Variants in GGT7 observed in about 807,000 individuals in gnomAD.
The protein encoded by GGT7 is gamma-glutamyltransferase 7, also known as glutathione hydrolase 7.
A neutral mutation model predicts 69.2 loss-of-function variants in GGT7; 30 were observed. That is an observed-to-expected ratio of 0.43 (90% CI 0.32 to 0.59). The LOEUF is 0.59. Ranked by LOEUF, GGT7 falls within the 20% of genes least tolerant of loss-of-function variation. The pLI is 0.05. For synonymous variants in GGT7, 388 were observed against 391.8 expected, an observed-to-expected ratio of 0.99 and a Z score of 0.12; for missense variants, 733 against 901.1, an observed-to-expected ratio of 0.81 and a Z score of 2.39.
At chr20:34,848,935 C>G (rs1001699045) in intron 14 of GGT7, among the ~76,000 whole-genome samples, 2 of 152,180 alleles carry the variant, frequency 1.3e-5, no homozygotes, top group Non-Finnish European at 2.9e-5. Flanking sequence ...TAAAATTCAG[C>G]TGTGCCAAAA....
At position 34,863,385 on chromosome 20, in the gene GGT7, G is replaced by C; in HGVS notation, c.333C>G (p.Val111=). The change falls in exon 2 of 15, where the codon GTC becomes GTG. Residue 111 remains valine, a synonymous_variant. Coordinates refer to ENST00000336431, the MANE Select transcript of GGT7 (RefSeq NM_178026.3). The surrounding 1 kb of genome is among the most constrained non-coding windows in gnomAD (Gnocchi z 4.4). ...CGGTAGCGAAGGTGAGACAGGCCGTGACGATGACCGTGAGCCCATCCTGGC... is the reference window on the plus strand; with the variant it reads ...CGGTAGCGAAGGTGAGACAGGCCGTCACGATGACCGTGAGCCCATCCTGGC... ...SCRQDGLTVI[V]TACLTFATGV... is the part of the protein sequence containing the mutation. 6.2e-7 allele frequency: 1 copy of C among 1,614,064 alleles called. No individual in the cohort carries two copies. The highest frequency in any genetic ancestry group is 1.1e-5 in the South Asian group (1 of 91,086).
chr20:34,852,534 C>A lies in GGT7; in HGVS notation c.1324G>T (p.Val442Leu). The A allele has an allele frequency of 6.3e-7, 1 of 1,576,578 alleles. No individual in the cohort carries two copies. ...TESMDDMLSK[V>L]EAAYLRGHIN... ...TGGCCCCGGAGGTAGGCGGCCTCCA[C>A]CTTGCTGAAAAGACAAGGGGTGGGA... is the stretch of plus-strand genomic sequence containing the variant. Residue 442 changes from valine (V) to leucine (L), a missense_variant, in exon 11 of 15, where the codon GTG becomes TTG. Physicochemically the swap from Val to Leu is conservative, Grantham distance 32. Coordinates refer to ENST00000336431, the MANE Select transcript of GGT7 (RefSeq NM_178026.3).
rs1411891207 is a variant in GGT7 at position 34,845,498 on chromosome 20, A to G, written c.1826-7T>C. 1 of 1,612,488 alleles carries G rather than the reference A, an allele frequency of 6.2e-7. No individual in the cohort carries two copies. The highest frequency in any genetic ancestry group is 1.1e-5 in the South Asian group (1 of 90,946). On this transcript the variant is annotated splice_polypyrimidine_tract_variant and splice_region_variant and intron_variant, in intron 14 of 14. Coordinates refer to ENST00000336431, the MANE Select transcript of GGT7 (RefSeq NM_178026.3). Reference sequence around the variant, plus strand: ...TCTTCCTCTGTGAACTCACCTGAAAACCATCCCCGACATATACACATTCAG... The same window carrying G: ...TCTTCCTCTGTGAACTCACCTGAAAGCCATCCCCGACATATACACATTCAG...
chr20:34,854,692 T>A, intron 9 of GGT7, 73 bp from the exon 10 acceptor site: 3 of 1,581,476 alleles, frequency 1.9e-6, no homozygotes, highest in Non-Finnish European at 2.6e-6. Flanking sequence ...GACTTTCGTG[T>A]GTGAGAAAAC....
In GGT7 at chr20:34,862,888, T is replaced by C. The variant is rs1286634113; in HGVS notation, c.483A>G (p.Gly161=). 6.2e-7 allele frequency: 1 copy of C among 1,614,024 alleles called. No individual in the cohort carries two copies. Among genetic ancestry groups the C allele is most frequent in the Non-Finnish European group, 8.5e-7 (1 of 1,179,962 alleles). ...CTGCCACCGCTGCGTCCACAGAAGA[T>C]CCCTGTTTACTGAGCACCTCGATGC... The part of the protein sequence containing the change: ...SLGIEVLSKQ[G]SSVDAAVAAA... Residue 161 remains glycine (G), a synonymous_variant, in exon 3 of 15, where the codon GGA becomes GGG. Coordinates refer to ENST00000336431, the MANE Select transcript of GGT7 (RefSeq NM_178026.3).
rs79530197 is a variant in GGT7, at chr20:34,845,112, T to TCAC, written c.*213_*215dup. ...CTGGCTGTACTGTAGATGCTGACAC[T>TCAC]CACCACCACCACCACCACCACCACC... On this transcript the variant is annotated 3_prime_UTR_variant, in exon 15 of 15. Coordinates refer to ENST00000336431, the MANE Select transcript of GGT7 (RefSeq NM_178026.3). 0.11 allele frequency: 42,550 copies of TCAC among 387,406 alleles called. 2,868 individuals carry two copies. The highest frequency in any genetic ancestry group is 0.16 in the African/African-American group (6,966 of 43,914). The allele number at this position is 387,406 out of a possible 1,614,324, so 24.0% of individuals were successfully genotyped here. A position where few individuals can be genotyped will look rare whatever the true frequency, so the allele number is the denominator to read the frequency against.
intron 7 of GGT7, among the ~76,000 whole-genome samples, chr20:34,858,246 G>C (rs2079527346): frequency 6.6e-6 from 1 of 152,194 alleles, no homozygotes; most frequent in Non-Finnish European, 1.5e-5. Flanking sequence ...CAGGTGGAAA[G>C]GATCTGAGAG....
At chr20:34,851,566 G>C (rs756028742) in intron 12 of GGT7, among the ~76,000 whole-genome samples, 198 bp from the exon 13 acceptor site, 1 of 152,134 alleles carries the variant, frequency 6.6e-6, no homozygotes, top group Admixed American at 6.5e-5. Flanking sequence ...TGGGGTGGAT[G>C]GGGGAGTGAT....
chr20:34,862,820 A>G lies in GGT7; in HGVS notation c.551T>C (p.Leu184Pro). 1 of 1,614,100 alleles carries G rather than the reference A, an allele frequency of 6.2e-7. No homozygotes were observed. Reference sequence around the variant, plus strand: ...GACCTCCACTGCTCCTTACCCGCCCAGGCCAGAACTGTGTGGAGCCACGAT... The same window carrying G: ...GACCTCCACTGCTCCTTACCCGCCCGGGCCAGAACTGTGTGGAGCCACGAT... ...LGIVAPHSSG[L>P]GGGGVMLVHD... The change falls in exon 3 of 15, where the codon CTG becomes CCG. Residue 184 changes from leucine (L) to proline (P), a missense_variant. By Grantham distance (98) the Leu-to-Pro change is moderately conservative. Coordinates refer to ENST00000336431, the MANE Select transcript of GGT7 (RefSeq NM_178026.3).
chr20:34,864,867 G>A (rs1380760690), intron 1 of GGT7, among the ~76,000 whole-genome samples: 5 of 152,098 alleles, frequency 3.3e-5, no homozygotes, highest in Non-Finnish European at 7.4e-5. Flanking sequence ...TTGTTGCCCA[G>A]GCTGGAGTGC....
chr20:34,866,906 A>C (rs1322252869), intron 1 of GGT7, among the ~76,000 whole-genome samples: 2 of 151,940 alleles, frequency 1.3e-5, no homozygotes, highest in Non-Finnish European at 2.9e-5. Flanking sequence ...TTTCAAAAAA[A>C]GGTTATCTTC....
At chr20:34,853,072 C>T (rs1199813010) in intron 10 of GGT7, among the ~76,000 whole-genome samples, 4 of 152,094 alleles carry the variant, frequency 2.6e-5, no homozygotes, top group African/African-American at 4.8e-5. Flanking sequence ...GCCTCAGCCT[C>T]CCGATTATCT....
Position 34,845,301 on chromosome 20 carries a change from G to C in GGT7, c.*27C>G. ...CTCTGGGAACATGCAAAGTGGGGGA[G>C]CAGAGACCCCGCCCCACCCCGCTGC... On this transcript the variant is annotated 3_prime_UTR_variant, in exon 15 of 15. Coordinates refer to ENST00000336431, the MANE Select transcript of GGT7 (RefSeq NM_178026.3). 1.9e-6 allele frequency: 3 copies of C among 1,593,956 alleles called. No individual in the cohort carries two copies. Among genetic ancestry groups the C allele is most frequent in the Non-Finnish European group, 2.6e-6 (3 of 1,168,558 alleles).
At chr20:34,852,846 A>G (rs2079420698) in intron 10 of GGT7, among the ~76,000 whole-genome samples, 1 of 152,236 alleles carries the variant, frequency 6.6e-6, no homozygotes, top group African/African-American at 2.4e-5. Flanking sequence ...AATGGATCAG[A>G]AAATATTTGC....
At chr20:34,872,371 A>G (rs893164805) in intron 1 of GGT7, 5 of 312,630 alleles carry the variant, frequency 1.6e-5, no homozygotes, top group East Asian at 5.0e-5. Context: ...CCCCTTCAAC[A>G]TTCCTTCATC....
At chr20:34,864,993 T>G (rs2079665506) in intron 1 of GGT7, among the ~76,000 whole-genome samples, 3 of 152,038 alleles carry the variant, frequency 2.0e-5, no homozygotes, top group Non-Finnish European at 4.4e-5. Context: ...TGAGTAATTT[T>G]GTATTTTTAG....
At chr20:34,865,158 T>C (rs536259139) in intron 1 of GGT7, among the ~76,000 whole-genome samples, 1 of 151,682 alleles carries the variant, frequency 6.6e-6, no homozygotes, top group African/African-American at 2.4e-5. Context: ...TGTGAAACCA[T>C]CTGTTCTGTG....
intron 14 of GGT7, 98 bp downstream of exon 14, chr20:34,849,863 T>C (rs1387934640): frequency 3.1e-6 from 2 of 650,490 alleles, no homozygotes; most frequent in Non-Finnish European, 5.2e-6. Context: ...CAAACTTCAC[T>C]GGCAGTTGGT....
At position 34,849,942 on chromosome 20, in the gene GGT7, G is replaced by A. The variant is rs755799106; in HGVS notation, c.1825+19C>T. On this transcript the variant is annotated intron_variant, in intron 14 of 14. Transcript: ENST00000336431. Reference sequence around the variant, plus strand: ...CCTGTCCCTGTGCCCGCCCCACGAGGTCTCTGCTCTGCACTCACTGTCCAC... The same window carrying A: ...CCTGTCCCTGTGCCCGCCCCACGAGATCTCTGCTCTGCACTCACTGTCCAC... The A allele has an allele frequency of 2.0e-6, 3 of 1,522,888 alleles. No individual in the cohort carries two copies. The highest frequency in any genetic ancestry group is 2.7e-6 in the Non-Finnish European group (3 of 1,099,238). The allele number at this position is 1,522,888 out of a possible 1,614,324, so 94.3% of individuals were successfully genotyped here.
Sources: gnomAD v4.1 joint callset for allele counts (sites outside exome capture counted in the v4.1 genomes callset) on GRCh38, gnomAD v4.1.1 for gene constraint, Gnocchi (gnomAD v3.1) non-coding constraint, MANE v1.5 for transcripts, NCBI Gene and HGNC (gene_info 2026-07-23, HGNC 2026-07-21) for gene names.